The following KCNT2 variants were observed in gnomAD, a reference collection of about 807,000 sequenced individuals.
KCNT2 encodes potassium sodium-activated channel subfamily T member 2.
In KCNT2, 67 loss-of-function variants were observed where a neutral mutation model predicts 153.8. The observed-to-expected ratio is 0.44, with a 90% CI of 0.36 to 0.53. The LOEUF is 0.53. Among genes scored for constraint, KCNT2 ranks in the 20% least tolerant of loss-of-function variants. KCNT2 has a pLI of 0.00. For synonymous variants in KCNT2, 500 were observed against 458.8 expected (o/e 1.09, Z -1.15); for missense variants, 975 against 1,354.8 (o/e 0.72, Z 4.40).
At chr1:196,604,505 T>C (rs1186242424) in intron 1 of KCNT2, among the ~76,000 whole-genome samples, 1 of 152,174 alleles carries the variant, frequency 6.6e-6, no homozygotes, top group Non-Finnish European at 1.5e-5. Flanking sequence ...TCCCTACACA[T>C]AAGCAATATT....
intron 13 of KCNT2, among the ~76,000 whole-genome samples, chr1:196,377,197 C>G (rs1023030104): frequency 1.3e-5 from 2 of 151,840 alleles, no homozygotes; most frequent in East Asian, 3.9e-4. Flanking sequence ...ATGGAAATTA[C>G]AGAAACATTA....
At chr1:196,252,645 A>G (rs183115787) in intron 26 of KCNT2, among the ~76,000 whole-genome samples, 1 of 151,770 alleles carries the variant, frequency 6.6e-6, no homozygotes, top group East Asian at 1.9e-4. Flanking sequence ...TAACAAAATA[A>G]AAACATAGCT....
chr1:196,470,479 C>T (rs913880805), intron 5 of KCNT2, among the ~76,000 whole-genome samples: 2 of 152,148 alleles, frequency 1.3e-5, no homozygotes, highest in African/African-American at 4.8e-5. Flanking sequence ...TGAAATGGGA[C>T]TTCAACAGAT....
chr1:196,320,302 T>C (rs1663163027), intron 19 of KCNT2, among the ~76,000 whole-genome samples: 1 of 151,836 alleles, frequency 6.6e-6, no homozygotes, highest in African/African-American at 2.4e-5. Context: ...ACTCAGCATA[T>C]ATGTATCCAA....
chr1:196,384,483 G>C (rs892205787), intron 13 of KCNT2, among the ~76,000 whole-genome samples: 1 of 152,078 alleles, frequency 6.6e-6, no homozygotes. Context: ...CTTGAGGTCA[G>C]GAGTTCGAAA....
intron 14 of KCNT2, among the ~76,000 whole-genome samples, chr1:196,356,858 C>T (rs1013390898): frequency 6.6e-5 from 10 of 151,148 alleles, no homozygotes; most frequent in Admixed American, 2.0e-4. Flanking sequence ...ACCGCAAATT[C>T]GAAGAAAACA....
chr1:196,528,125 TC>T (rs955324863), intron 1 of KCNT2, among the ~76,000 whole-genome samples: 10 of 152,224 alleles, frequency 6.6e-5, no homozygotes, highest in African/African-American at 2.4e-4. Flanking sequence ...TGTCAAAACA[TC>T]CGGTTTCATT....
At chr1:196,519,155 T>C (rs1653006911) in intron 1 of KCNT2, among the ~76,000 whole-genome samples, 1 of 151,976 alleles carries the variant, frequency 6.6e-6, no homozygotes, top group African/African-American at 2.4e-5. Flanking sequence ...CTCAAAGCCA[T>C]GCAATTACAT....
Position 196,282,295 on chromosome 1 carries a change from G to A in KCNT2, c.2759C>T (p.Pro920Leu). ...TRLLLGLDTT[P>L]GSGFLCSMKI... The stretch of plus-strand genomic sequence containing the variant: ...TACAGAACAAAGAAACCCAGATCCT[G>A]GTGTAGTGTCCAGTCCCAACAGAAG... Residue 920 changes from proline to leucine, a missense_variant, in exon 24 of 28, where the codon CCA becomes CTA. This residue lies in a region of KCNT2 where 241 missense variants were observed against 271.1 expected (regional missense o/e 0.89). Transcript: ENST00000294725. The A allele has an allele frequency of 6.3e-7, 1 of 1,596,446 alleles. No homozygotes were observed. The highest frequency in any genetic ancestry group is 8.6e-7 in the Non-Finnish European group (1 of 1,164,884).
chr1:196,408,930 T>C (rs1386034519), intron 12 of KCNT2, among the ~76,000 whole-genome samples: 2 of 151,558 alleles, frequency 1.3e-5, no homozygotes, highest in African/African-American at 2.4e-5. Context: ...ATCCCCTGCA[T>C]TTTTATACAG....
chr1:196,306,488 C>T (rs1000368530), intron 21 of KCNT2, among the ~76,000 whole-genome samples: 23 of 152,052 alleles, frequency 1.5e-4, no homozygotes, highest in Non-Finnish European at 2.6e-4. Context: ...GCATTACAGA[C>T]GAGTTTTTAC....
At chr1:196,351,162 G>T (rs2148215329) in intron 14 of KCNT2, among the ~76,000 whole-genome samples, 1 of 152,180 alleles carries the variant, frequency 6.6e-6, no homozygotes, top group Non-Finnish European at 1.5e-5. Context: ...TGTTCTTTTG[G>T]CTCACAATTG....
chr1:196,451,217 C>CTTTTTTTTTTTTTTTTTTTTTTTTT (rs561944079), intron 8 of KCNT2, among the ~76,000 whole-genome samples: 18 of 63,554 alleles, frequency 2.8e-4, no homozygotes, highest in Non-Finnish European at 3.4e-4. Context: ...ATCCCTCTTT[C>CTTTTTTTTTTTTTTTTTTTTTTTTT]TTTTTTTTTT....
At chr1:196,558,316 T>A (rs1026214276) in intron 1 of KCNT2, among the ~76,000 whole-genome samples, 1 of 151,380 alleles carries the variant, frequency 6.6e-6, no homozygotes, top group African/African-American at 2.4e-5. Context: ...ATCTACATCA[T>A]TAATAAGGTC....
At chr1:196,345,757 T>C (rs1189162223) in intron 14 of KCNT2, among the ~76,000 whole-genome samples, 1 of 152,094 alleles carries the variant, frequency 6.6e-6, no homozygotes, top group East Asian at 1.9e-4. Context: ...ACTTCGAGAA[T>C]TTGCTAATGG....
chr1:196,354,696 T>G (rs1360280765), intron 14 of KCNT2, among the ~76,000 whole-genome samples: 1 of 151,756 alleles, frequency 6.6e-6, no homozygotes, highest in African/African-American at 2.4e-5. Context: ...TTCACTATAT[T>G]GATTGCAAGG....
intron 21 of KCNT2, among the ~76,000 whole-genome samples, chr1:196,307,983 T>A (rs1159342437): frequency 6.6e-6 from 1 of 152,024 alleles, no homozygotes; most frequent in African/African-American, 2.4e-5. Flanking sequence ...TATATGGTTG[T>A]CACAGACAAA....
At chr1:196,538,846 G>A (rs1323186553) in intron 1 of KCNT2, among the ~76,000 whole-genome samples, 1 of 152,132 alleles carries the variant, frequency 6.6e-6, no homozygotes, top group African/African-American at 2.4e-5. Context: ...TTCTTAAAAT[G>A]TTCTAACTTC....
intron 14 of KCNT2, among the ~76,000 whole-genome samples, chr1:196,360,518 C>T (rs888006648): frequency 1.3e-5 from 2 of 152,040 alleles, no homozygotes; most frequent in African/African-American, 4.8e-5. Flanking sequence ...ATGTTGAAGC[C>T]CTATCCCCCA....
Sources: allele counts gnomAD v4.1 joint callset (sites outside exome capture counted in the v4.1 genomes callset), GRCh38; gene constraint gnomAD v4.1.1; regional missense constraint gnomAD v4.1.1; transcripts MANE v1.5; gene names NCBI Gene and HGNC (gene_info 2026-07-23, HGNC 2026-07-21).